Variants in MEF2A observed in about 807,000 individuals in gnomAD.
MEF2A encodes the protein myocyte-specific enhancer factor 2A.
A neutral mutation model predicts 55.8 loss-of-function variants in MEF2A; 28 were observed. That is an observed-to-expected ratio of 0.50 (90% CI 0.37 to 0.69). MEF2A has a LOEUF of 0.69. Among genes scored for constraint, MEF2A ranks in the 30% least tolerant of loss-of-function variants. The pLI, the probability that MEF2A is intolerant of heterozygous loss-of-function variation, is 0.00. For missense variants in MEF2A, 528 were observed against 626.2 expected (o/e 0.84, Z 1.67); for synonymous variants, 239 against 227.1 (o/e 1.05, Z -0.47).
intron 2 of MEF2A, among the ~76,000 whole-genome samples, chr15:99,627,471 T>TTGACTTAG (rs1409951954): frequency 6.7e-6 from 1 of 149,164 alleles, no homozygotes; most frequent in Non-Finnish European, 1.5e-5. Context: ...AATTGTAGAC[T>TTGACTTAG]TGACTTAGTT....
chr15:99,571,278 T>G (rs949255546), intron 1 of MEF2A, among the ~76,000 whole-genome samples: 1 of 152,188 alleles, frequency 6.6e-6, no homozygotes, highest in Non-Finnish European at 1.5e-5. Flanking sequence ...TTACTTGCAC[T>G]TTGTGTTCTT....
At position 99,715,668 on chromosome 15, in the gene MEF2A, GTT is replaced by G. The variant is rs1292668078; in HGVS notation, c.*2900_*2901del. The G allele has an allele frequency of 6.6e-6, 1 of 152,148 alleles. No homozygotes were observed. The highest frequency in any genetic ancestry group is 1.9e-4 in the East Asian group (1 of 5,198). The allele number at this position is 152,148 out of a possible 1,614,324, so 9.4% of individuals were successfully genotyped here. On this transcript the variant is annotated 3_prime_UTR_variant, in exon 12 of 12. Coordinates refer to ENST00000557942, the MANE Select transcript of MEF2A (RefSeq NM_001319206.4). ...TCTTTTCTTACCCTTTTAGACTCGT[GTT>G]TTGTATGAGACACCATTGCAAGAAA...
chr15:99,691,757 G>A (rs189915651), intron 8 of MEF2A, among the ~76,000 whole-genome samples: 1 of 152,012 alleles, frequency 6.6e-6, no homozygotes, highest in African/African-American at 2.4e-5. Context: ...AGGGAAGAAA[G>A]CACACAAACT....
At chr15:99,633,464 C>G (rs1196281790) in intron 3 of MEF2A, among the ~76,000 whole-genome samples, 2 of 151,968 alleles carry the variant, frequency 1.3e-5, no homozygotes, top group African/African-American at 4.8e-5. Context: ...GATATTTAGT[C>G]TTCTATGTAT....
At chr15:99,700,525 A>C (rs1281926723) in intron 8 of MEF2A, among the ~76,000 whole-genome samples, 1 of 152,056 alleles carries the variant, frequency 6.6e-6, no homozygotes, top group Non-Finnish European at 1.5e-5. Flanking sequence ...CACACAAAAA[A>C]GGTACAGTTG....
intron 2 of MEF2A, among the ~76,000 whole-genome samples, chr15:99,601,853 GTGTGTC>G (rs879405892): frequency 0.07 from 3,685 of 52,848 alleles, 84 homozygotes; most frequent in Non-Finnish European, 0.11. Context: ...GTGTGTGTGT[GTGTGTC>G]AGGGTAATGC....
chr15:99,656,566 A>G (rs536012333), intron 4 of MEF2A, among the ~76,000 whole-genome samples: 17 of 152,232 alleles, frequency 1.1e-4, no homozygotes, highest in African/African-American at 3.8e-4. Flanking sequence ...ATCTTAGGAC[A>G]ATATGATATG....
intron 8 of MEF2A, chr15:99,690,681 G>A: frequency 1.7e-6 from 1 of 575,532 alleles, no homozygotes; most frequent in Non-Finnish European, 3.3e-6. Flanking sequence ...AGGTTATTGT[G>A]TTAAGTGAAA....
chr15:99,614,916 G>GT (rs1171322472), intron 2 of MEF2A, among the ~76,000 whole-genome samples: 2 of 152,188 alleles, frequency 1.3e-5, no homozygotes, highest in African/African-American at 4.8e-5. Flanking sequence ...AGTTCCATGA[G>GT]TAGAGGAGTG....
intron 10 of MEF2A, 92 bp from the exon 11 acceptor site, chr15:99,710,542 C>T: frequency 1.3e-6 from 2 of 1,512,980 alleles, no homozygotes; most frequent in Non-Finnish European, 1.8e-6. Flanking sequence ...CATGGCTGGC[C>T]TCAATGTAGG....
At chr15:99,693,558 CACAA>C (rs751779557) in intron 8 of MEF2A, among the ~76,000 whole-genome samples, 38 of 152,068 alleles carry the variant, frequency 2.5e-4, no homozygotes, top group Non-Finnish European at 5.3e-4. Context: ...CTTTTTTCTT[CACAA>C]ACTAAACTAT....
At chr15:99,692,544 T>C (rs2153727516) in intron 8 of MEF2A, among the ~76,000 whole-genome samples, 1 of 152,302 alleles carries the variant, frequency 6.6e-6, no homozygotes, top group Non-Finnish European at 1.5e-5. Flanking sequence ...AGAGTTAAGC[T>C]AGGGTGATTG....
At chr15:99,640,433 A>G (rs1356483724) in intron 3 of MEF2A, among the ~76,000 whole-genome samples, 2 of 152,216 alleles carry the variant, frequency 1.3e-5, no homozygotes, top group Non-Finnish European at 2.9e-5. Flanking sequence ...TTTGTCTTAA[A>G]TCTACCTTAC....
chr15:99,590,286 C>G (rs1049589801), intron 1 of MEF2A, among the ~76,000 whole-genome samples: 2 of 151,762 alleles, frequency 1.3e-5, no homozygotes, highest in African/African-American at 4.8e-5. Context: ...AATATAGGCA[C>G]TGCTGCTTTT....
chr15:99,700,726 G>T (rs749279249), intron 8 of MEF2A, among the ~76,000 whole-genome samples: 3 of 152,142 alleles, frequency 2.0e-5, no homozygotes, highest in Admixed American at 2.0e-4. Flanking sequence ...GCAGGGAAAC[G>T]GGATGAGCCG....
At chr15:99,580,687 G>C (rs1335590965) in intron 1 of MEF2A, among the ~76,000 whole-genome samples, 1 of 152,202 alleles carries the variant, frequency 6.6e-6, no homozygotes, top group African/African-American at 2.4e-5. Context: ...TTTATTATAT[G>C]AAGGAGTTAT....
At chr15:99,656,090 A>T (rs2047663077) in intron 4 of MEF2A, among the ~76,000 whole-genome samples, 1 of 152,178 alleles carries the variant, frequency 6.6e-6, no homozygotes, top group Non-Finnish European at 1.5e-5. Flanking sequence ...TTAATCATAA[A>T]TTAAGAGTAT....
intron 8 of MEF2A, among the ~76,000 whole-genome samples, chr15:99,692,410 A>G (rs754634409): frequency 6.6e-6 from 1 of 152,220 alleles, no homozygotes; most frequent in Non-Finnish European, 1.5e-5. Flanking sequence ...CAGAAAGTTC[A>G]TAGTTTTCCT....
chr15:99,604,641 T>C (rs945184192), intron 2 of MEF2A, among the ~76,000 whole-genome samples: 8 of 152,062 alleles, frequency 5.3e-5, no homozygotes, highest in African/African-American at 1.9e-4. Context: ...TTTTTTTGCC[T>C]CTTCTCATTC....
Sources: allele counts gnomAD v4.1 joint callset (sites outside exome capture counted in the v4.1 genomes callset), GRCh38; gene constraint gnomAD v4.1.1; transcripts MANE v1.5; gene names NCBI Gene and HGNC (gene_info 2026-07-23, HGNC 2026-07-21).